The following EPHB1 variants were observed in gnomAD, a reference collection of about 807,000 sequenced individuals.
EPHB1 encodes EPH receptor B1, also known as ephrin type-B receptor 1.
In EPHB1, 30 loss-of-function variants were observed where a neutral mutation model predicts 94.4. That is an observed-to-expected ratio of 0.32 (90% confidence interval 0.24 to 0.43). EPHB1 has a LOEUF of 0.43. EPHB1 is among the 20% of genes least tolerant of loss of function. The pLI is 1.00. For synonymous variants in EPHB1, 522 were observed against 489.1 expected, an observed-to-expected ratio of 1.07 and a Z score of -0.89; for missense variants, 1,055 against 1,308.3, an observed-to-expected ratio of 0.81 and a Z score of 2.99.
At chr3:135,088,478 G>GT (rs1205644015) in intron 3 of EPHB1, among the ~76,000 whole-genome samples, 5 of 152,154 alleles carry the variant, frequency 3.3e-5, no homozygotes, top group Middle Eastern at 3.4e-3. Flanking sequence ...AAAATACAGG[G>GT]TTTTTTTTCT....
intron 3 of EPHB1, among the ~76,000 whole-genome samples, chr3:135,053,008 T>A (rs1937228345): frequency 2.7e-5 from 1 of 37,406 alleles, no homozygotes; most frequent in Admixed American, 3.7e-4. Context: ...TGTGTGTGTA[T>A]ATATATGTGT....
chr3:134,820,122 G>A (rs1246641371), intron 1 of EPHB1, among the ~76,000 whole-genome samples: 1 of 151,746 alleles, frequency 6.6e-6, no homozygotes, highest in Admixed American at 6.6e-5. Flanking sequence ...TGCTGACAGA[G>A]GAAAAGGCAA....
In EPHB1 at chr3:135,249,379, G is replaced by A. The variant is rs56345346; in HGVS notation, c.2734G>A (p.Ala912Thr). The stretch of plus-strand genomic sequence containing the variant: ...CGACCGCTCCATCCCAGACTTCACG[G>A]CCTTTACCACCGTGGATGACTGGCT... The part of the protein sequence containing the change: ...LLDRSIPDFT[A>T]FTTVDDWLSA... Residue 912 changes from alanine to threonine, a missense_variant, in exon 15 of 16, where the codon GCC becomes ACC. Coordinates refer to ENST00000398015, the MANE Select transcript of EPHB1 (RefSeq NM_004441.5). 1,048 of 1,613,898 alleles carry A rather than the reference G, an allele frequency of 6.5e-4. No individual in the cohort carries two copies. The highest frequency in any genetic ancestry group is 8.5e-4 in the Non-Finnish European group (1,005 of 1,179,856).
At chr3:134,831,589 C>T (rs1330212788) in intron 1 of EPHB1, among the ~76,000 whole-genome samples, 2 of 152,202 alleles carry the variant, frequency 1.3e-5, no homozygotes, top group African/African-American at 4.8e-5. Context: ...CACAAGCTGC[C>T]GCCATGTCCT....
intron 2 of EPHB1, among the ~76,000 whole-genome samples, chr3:134,928,442 T>C (rs994042039): frequency 1.3e-5 from 2 of 152,218 alleles, no homozygotes; most frequent in African/African-American, 4.8e-5. Context: ...CAGGACTCTA[T>C]GCATTTGTTC....
At chr3:135,196,510 C>T (rs1042223447) in intron 11 of EPHB1, among the ~76,000 whole-genome samples, 8 of 152,104 alleles carry the variant, frequency 5.3e-5, no homozygotes, top group Admixed American at 4.6e-4. Flanking sequence ...TGCATGGAGG[C>T]AGGTAATCTA....
intron 2 of EPHB1, among the ~76,000 whole-genome samples, chr3:134,948,980 G>C (rs891371950): frequency 8.5e-5 from 13 of 152,216 alleles, no homozygotes; most frequent in Non-Finnish European, 1.9e-4. Flanking sequence ...CCTGGAACTG[G>C]GAGACAGAGT....
intron 3 of EPHB1, among the ~76,000 whole-genome samples, chr3:134,952,440 G>T (rs988406173): frequency 9.2e-5 from 14 of 151,952 alleles, no homozygotes; most frequent in African/African-American, 2.9e-4. Flanking sequence ...AAGCTCTGGG[G>T]CTGGAGACTT....
intron 4 of EPHB1, among the ~76,000 whole-genome samples, chr3:135,126,001 T>C (rs6776431): frequency 0.032 from 4,864 of 152,222 alleles, 253 homozygotes; most frequent in African/African-American, 0.11. Flanking sequence ...CAATAACCAA[T>C]GGAGAAAGAA....
chr3:134,802,399 C>T (rs942907671), intron 1 of EPHB1, among the ~76,000 whole-genome samples: 3 of 151,280 alleles, frequency 2.0e-5, no homozygotes, highest in African/African-American at 4.9e-5. Context: ...AAAGTCCAAT[C>T]TGAGGCATGG....
rs1053047930 is a variant in EPHB1 at position 135,260,207 on chromosome 3, C to A, written c.*1087C>A. On this transcript the variant is annotated 3_prime_UTR_variant, in exon 16 of 16. Coordinates refer to ENST00000398015, the MANE Select transcript of EPHB1 (RefSeq NM_004441.5). ...TTCTGGAGAATGTTCTTTCACATCA[C>A]TGGAATCTGCAATTCAAGAAGTGAC... The A allele has an allele frequency of 3.9e-5, 9 of 232,768 alleles. No individual in the cohort carries two copies. The highest frequency in any genetic ancestry group is 1.8e-4 in the African/African-American group (8 of 45,290). 14.4% of individuals were successfully genotyped at this position (232,768 alleles called of 1,614,324 possible). A position where few individuals can be genotyped will look rare whatever the true frequency, so the allele number is the denominator to read the frequency against.
At chr3:134,881,068 C>G (rs1489969874) in intron 1 of EPHB1, among the ~76,000 whole-genome samples, 1 of 152,042 alleles carries the variant, frequency 6.6e-6, no homozygotes, top group East Asian at 1.9e-4. Flanking sequence ...GCACTCTGTT[C>G]TAGTGGGGGA....
intron 2 of EPHB1, among the ~76,000 whole-genome samples, chr3:134,939,521 T>C (rs575540042): frequency 6.6e-6 from 1 of 152,308 alleles, no homozygotes; most frequent in Admixed American, 6.5e-5. Flanking sequence ...TAGTAAATGG[T>C]AGATCCCTCT....
chr3:134,878,529 C>G (rs1269560793), intron 1 of EPHB1, among the ~76,000 whole-genome samples: 2 of 152,206 alleles, frequency 1.3e-5, no homozygotes, highest in Non-Finnish European at 2.9e-5. Context: ...GTGCTGAGGA[C>G]TGGGCTCCTG....
intron 12 of EPHB1, among the ~76,000 whole-genome samples, chr3:135,221,430 C>T (rs1238095989): frequency 6.6e-6 from 1 of 152,182 alleles, no homozygotes. Context: ...CATTACCGTA[C>T]TAGTAATCAT....
At chr3:134,882,461 A>G (rs971219805) in intron 1 of EPHB1, among the ~76,000 whole-genome samples, 1 of 152,240 alleles carries the variant, frequency 6.6e-6, no homozygotes, top group Non-Finnish European at 1.5e-5. Flanking sequence ...CAGGACCAGA[A>G]TGATTCATTG....
intron 11 of EPHB1, among the ~76,000 whole-genome samples, chr3:135,197,871 A>G (rs1942664039): frequency 6.6e-6 from 1 of 151,938 alleles, no homozygotes; most frequent in Admixed American, 6.6e-5. Context: ...ATATCTCTGG[A>G]AGTTCTTTTT....
At chr3:135,236,313 T>C (rs1943651384) in intron 12 of EPHB1, among the ~76,000 whole-genome samples, 1 of 152,116 alleles carries the variant, frequency 6.6e-6, no homozygotes, top group African/African-American at 2.4e-5. Flanking sequence ...TGCTGTATTT[T>C]CATTCGGCCT....
chr3:134,992,022 C>T (rs191308058), intron 3 of EPHB1, among the ~76,000 whole-genome samples: 1 of 152,294 alleles, frequency 6.6e-6, no homozygotes, highest in East Asian at 1.9e-4. Flanking sequence ...TCTCTACCTG[C>T]GACTCCCTCA....
Sources: allele counts gnomAD v4.1 joint callset (sites outside exome capture counted in the v4.1 genomes callset), GRCh38; gene constraint gnomAD v4.1.1; transcripts MANE v1.5; gene names NCBI Gene and HGNC (gene_info 2026-07-23, HGNC 2026-07-21).